Variants in CCDC7 observed in about 807,000 individuals in gnomAD.
CCDC7 encodes the protein coiled-coil domain containing 7.
A neutral mutation model predicts 196.9 loss-of-function variants in CCDC7; 183 were observed. The observed-to-expected ratio is 0.93, with a 90% CI of 0.82 to 1.05. The LOEUF is 1.05. CCDC7 is among the 50% of genes least tolerant of loss of function. CCDC7 has a pLI of 0.00. For missense variants in CCDC7, 1,540 were observed against 1,482.2 expected (o/e 1.04, Z -0.64); for synonymous variants, 525 against 484.6 (o/e 1.08, Z -1.10).
intron 11 of CCDC7, among the ~76,000 whole-genome samples, chr10:32,536,769 G>T (rs1287130861): frequency 6.6e-6 from 1 of 152,064 alleles, no homozygotes; most frequent in Non-Finnish European, 1.5e-5. Flanking sequence ...GGGGTATTTG[G>T]CACTAGCCAT....
intron 28 of CCDC7, among the ~76,000 whole-genome samples, chr10:32,752,541 A>G (rs148902744): frequency 1.3e-5 from 2 of 152,168 alleles, no homozygotes; most frequent in East Asian, 1.9e-4. Flanking sequence ...TCTTCTTGCT[A>G]TTGTCTTTCA....
At position 32,567,911 on chromosome 10, in the gene CCDC7, G is replaced by C; in HGVS notation, c.1419+20G>C. The C allele has an allele frequency of 6.2e-7, 1 of 1,602,410 alleles. No individual in the cohort carries two copies. On this transcript the variant is annotated intron_variant, in intron 15 of 41. Coordinates refer to ENST00000639629, the Ensembl canonical transcript of CCDC7. The stretch of plus-strand genomic sequence containing the variant: ...CCACAGGTGAGGAAATAACCAAAAT[G>C]GAGACAGTAGTATATGTTGTGAGAA...
At chr10:32,678,962 A>G (rs575351808) in intron 21 of CCDC7, among the ~76,000 whole-genome samples, 14 of 152,260 alleles carry the variant, frequency 9.2e-5, no homozygotes, top group African/African-American at 3.1e-4. Context: ...CTCCTATTCC[A>G]TGATCTTACT....
At chr10:32,848,619 G>C (rs768994985) in exon 39 of CCDC7, 2 of 1,503,704 alleles carry the variant, frequency 1.3e-6, no homozygotes, top group Non-Finnish European at 1.9e-6. Flanking sequence ...TAAAAACAAA[G>C]ATATGTCCGT....
intron 9 of CCDC7, among the ~76,000 whole-genome samples, chr10:32,499,975 C>T (rs2043627958): frequency 6.6e-6 from 1 of 152,238 alleles, no homozygotes; most frequent in South Asian, 2.1e-4. Flanking sequence ...TAGTACAGAA[C>T]AAAATGGAGT....
intron 28 of CCDC7, among the ~76,000 whole-genome samples, chr10:32,734,898 C>CA (rs1266616220): frequency 6.7e-6 from 1 of 150,138 alleles, no homozygotes; most frequent in Non-Finnish European, 1.5e-5. Context: ...GCTTCATCTC[C>CA]AAAAAACAAA....
rs1021008729 is a variant in CCDC7, at chr10:32,567,615, A to G, written c.1198-55A>G. The stretch of plus-strand genomic sequence containing the variant: ...TATGTAGATTCCTGAATGTGGTAGT[A>G]TTGGCAGGAAAATATCAGAAAATGC... On this transcript the variant is annotated intron_variant, in intron 14 of 41. Coordinates refer to ENST00000639629, the Ensembl canonical transcript of CCDC7. The G allele has an allele frequency of 3.3e-6, 5 of 1,525,064 alleles. No individual in the cohort carries two copies. The African/African-American group carries it at 5.6e-5, about 17-fold the overall frequency. 94.5% of individuals were successfully genotyped at this position (1,525,064 alleles called of 1,614,324 possible).
intron 9 of CCDC7, among the ~76,000 whole-genome samples, chr10:32,499,600 T>A (rs1041167645): frequency 5.3e-5 from 8 of 151,886 alleles, no homozygotes; most frequent in Non-Finnish European, 7.4e-5. Flanking sequence ...TCTTTTTTAT[T>A]TTTTTATTTT....
In CCDC7 at chr10:32,544,796, C is replaced by G. The variant is rs181586428; in HGVS notation, c.1134+495C>G. Among the ~76,000 whole-genome samples, 21 of 152,184 alleles carry G rather than the reference C, an allele frequency of 1.4e-4. No homozygotes were observed. The East Asian group carries it at 3.5e-3, about 25-fold the overall frequency. Reference sequence around the variant, plus strand: ...GAAATTGTAAACTCTGTGTCTGACTCTGGTTTGTGTGATCTAATTAGAGGA... The same window carrying G: ...GAAATTGTAAACTCTGTGTCTGACTGTGGTTTGTGTGATCTAATTAGAGGA... On this transcript the variant is annotated intron_variant, in intron 13 of 41. Coordinates refer to ENST00000639629, the Ensembl canonical transcript of CCDC7.
intron 9 of CCDC7, among the ~76,000 whole-genome samples, chr10:32,501,017 G>T (rs1225783291): frequency 6.6e-6 from 1 of 152,018 alleles, no homozygotes; most frequent in East Asian, 1.9e-4. Flanking sequence ...CCTCCGCTCG[G>T]CATCAGAGGG....
At chr10:32,833,789 G>A (rs1364338897) in intron 32 of CCDC7, among the ~76,000 whole-genome samples, 1 of 151,874 alleles carries the variant, frequency 6.6e-6, no homozygotes, top group Non-Finnish European at 1.5e-5. Context: ...TTGTAATGGT[G>A]GTACATATGG....
At chr10:32,540,016 A>G (rs893603147) in intron 11 of CCDC7, among the ~76,000 whole-genome samples, 2 of 151,970 alleles carry the variant, frequency 1.3e-5, no homozygotes, top group African/African-American at 2.4e-5. Flanking sequence ...TGTAGTGTCT[A>G]TTTGTCCACT....
At chr10:32,707,457 G>T (rs1334532291) in intron 24 of CCDC7, among the ~76,000 whole-genome samples, 2 of 152,162 alleles carry the variant, frequency 1.3e-5, no homozygotes, top group Non-Finnish European at 2.9e-5. Context: ...CATAGTATTG[G>T]AAGTTCTGGC....
intron 9 of CCDC7, among the ~76,000 whole-genome samples, chr10:32,506,747 C>T (rs866745061): frequency 2.0e-5 from 3 of 151,486 alleles, no homozygotes; most frequent in South Asian, 2.1e-4. Context: ...AGGCACTCGG[C>T]GGGCCAAGGC....
At chr10:32,644,500 A>G (rs2067401992) in intron 20 of CCDC7, among the ~76,000 whole-genome samples, 1 of 152,140 alleles carries the variant, frequency 6.6e-6, no homozygotes, top group Non-Finnish European at 1.5e-5. Flanking sequence ...CTCTAGGTTC[A>G]TCCATGTTGT....
chr10:32,852,000 C>A lies in CCDC7; in HGVS notation c.4021+68C>A, dbSNP rs570449178. 2.5e-4 allele frequency: 372 copies of A among 1,462,486 alleles called. 1 individual carries two copies. In the African/African-American group the frequency reaches 5.0e-3, roughly 20 times the overall value. The allele number at this position is 1,462,486 out of a possible 1,614,324, so 90.6% of individuals were successfully genotyped here. A position where few individuals can be genotyped will look rare whatever the true frequency, so the allele number is the denominator to read the frequency against. ...AAAGCTATAACTAAATGTAAATAAC[C>A]AAGTTGTAATAGCTTTAGTCATATA... On this transcript the variant is annotated intron_variant, in intron 40 of 41. Transcript: ENST00000639629.
intron 23 of CCDC7, 30 bp downstream of exon 24, chr10:32,689,193 A>T (rs775335920): frequency 2.2e-6 from 3 of 1,375,742 alleles, no homozygotes; most frequent in Non-Finnish European, 2.0e-6. Context: ...ATAACTTTAA[A>T]TTATTTAAAA....
At position 32,729,035 on chromosome 10, in the gene CCDC7, A is replaced by G. The variant is rs760578478; in HGVS notation, c.2779+38A>G. Reference sequence around the variant, plus strand: ...ATTATCGATAACTTTAAATTATTTTATGTTGAACTCATCAGATCTTTTCCT... The same window carrying G: ...ATTATCGATAACTTTAAATTATTTTGTGTTGAACTCATCAGATCTTTTCCT... On this transcript the variant is annotated intron_variant, in intron 27 of 41. Transcript: ENST00000639629. The G allele has an allele frequency of 9.8e-6, 13 of 1,330,422 alleles. 2 individuals are homozygous for G. In the Middle Eastern group the frequency reaches 2.7e-3, roughly 276 times the overall value. 82.4% of individuals were successfully genotyped at this position (1,330,422 alleles called of 1,614,324 possible). A position where few individuals can be genotyped will look rare whatever the true frequency, so the allele number is the denominator to read the frequency against.
At chr10:32,721,602 G>A (rs1324441126) in intron 25 of CCDC7, among the ~76,000 whole-genome samples, 1 of 152,202 alleles carries the variant, frequency 6.6e-6, no homozygotes, top group Non-Finnish European at 1.5e-5. Context: ...TAGTCCCTGG[G>A]ACTTCTTTAT....
Sources: gnomAD v4.1 joint callset for allele counts (sites outside exome capture counted in the v4.1 genomes callset) on GRCh38, gnomAD v4.1.1 for gene constraint, MANE v1.5 for transcripts, NCBI Gene and HGNC (gene_info 2026-07-23, HGNC 2026-07-21) for gene names.